ABCD3: variants seen among roughly 807,000 people sequenced by gnomAD.
The protein encoded by ABCD3 is ATP binding cassette subfamily D member 3.
ABCD3 carries 41 observed loss-of-function variants against 105.5 expected under a neutral mutation model. The ratio of observed to expected loss-of-function variants is 0.39; its 90% CI spans 0.30 to 0.50. The LOEUF (loss-of-function observed/expected upper bound fraction) is 0.50. Ranked by LOEUF, ABCD3 falls within the 20% of genes least tolerant of loss-of-function variation. The pLI is 0.84. For missense variants in ABCD3, 622 were observed against 806.3 expected (o/e 0.77, Z 2.77); for synonymous variants, 258 against 269.0 (o/e 0.96, Z 0.40).
intron 2 of ABCD3, among the ~76,000 whole-genome samples, chr1:94,463,329 C>G (rs1221174642): frequency 6.6e-6 from 1 of 152,182 alleles, no homozygotes; most frequent in Non-Finnish European, 1.5e-5. Context: ...CTGCACTGCA[C>G]TCAGTGCTTA....
intron 1 of ABCD3, among the ~76,000 whole-genome samples, chr1:94,451,388 A>G (rs1159604251): frequency 6.6e-6 from 1 of 152,202 alleles, no homozygotes; most frequent in Non-Finnish European, 1.5e-5. Context: ...TAATAAACAT[A>G]CTTTACTTTT....
At chr1:94,426,686 G>A (rs1210238710) in intron 1 of ABCD3, among the ~76,000 whole-genome samples, 1 of 151,818 alleles carries the variant, frequency 6.6e-6, no homozygotes, top group Non-Finnish European at 1.5e-5. Context: ...GGGATTACAG[G>A]CACCCGCCAC....
chr1:94,406,887 G>A, the ABCD3 span: 208 of 162,086 alleles, frequency 1.3e-3, no homozygotes, highest in African/African-American at 4.7e-3. Flanking sequence ...CATCATCTTG[G>A]CGAATGACTG....
rs1650965215 is a variant in ABCD3 at position 94,517,325 on chromosome 1, A to G, written c.*196A>G. ...TTATATAGGATATTGCTAATTGTGTATATGTTGGTTTAATTAATAATATGT... is the reference window on the plus strand; with the variant it reads ...TTATATAGGATATTGCTAATTGTGTGTATGTTGGTTTAATTAATAATATGT... On this transcript the variant is annotated 3_prime_UTR_variant, in exon 23 of 23. Transcript: ENST00000370214. The G allele has an allele frequency of 9.7e-6, 5 of 517,476 alleles. No homozygotes were observed. Among genetic ancestry groups the G allele is most frequent in the Middle Eastern group, 5.6e-4 (1 of 1,772 alleles). 32.1% of individuals were successfully genotyped at this position (517,476 alleles called of 1,614,324 possible).
rs567190248 is a variant in ABCD3, at chr1:94,502,972, A to C, written c.1740+3358A>C. ...CTTGTCCAACCTGTGGCTCACGGAC[A>C]CATGCAGCCCAGGACAGCTTTGAAT... On this transcript the variant is annotated intron_variant, in intron 20 of 22. Transcript: ENST00000370214. Among the ~76,000 whole-genome samples, 17 of 152,324 alleles carry C rather than the reference A, an allele frequency of 1.1e-4. No homozygotes were observed. In the East Asian group the frequency reaches 1.5e-3, roughly 14 times the overall value.
At chr1:94,467,268 G>A (rs968550256) in intron 3 of ABCD3, among the ~76,000 whole-genome samples, 1 of 151,360 alleles carries the variant, frequency 6.6e-6, no homozygotes, top group Non-Finnish European at 1.5e-5. Context: ...TTGTTTTACT[G>A]TTTATCATAT....
At chr1:94,443,445 G>A (rs1256872804) in intron 1 of ABCD3, among the ~76,000 whole-genome samples, 1 of 152,112 alleles carries the variant, frequency 6.6e-6, no homozygotes, top group Non-Finnish European at 1.5e-5. Flanking sequence ...CCTTTGTTGT[G>A]TAGAAGCTTT....
At chr1:94,470,928 T>G (rs1648425230) in intron 4 of ABCD3, among the ~76,000 whole-genome samples, 1 of 152,224 alleles carries the variant, frequency 6.6e-6, no homozygotes, top group South Asian at 2.1e-4. Context: ...TATTTAAGTT[T>G]TTAATGTGTT....
rs139039035 is a variant in ABCD3, at chr1:94,467,966, T to C, written c.294T>C (p.Tyr98=). The stretch of plus-strand genomic sequence containing the variant: ...CTGTTATGCTGGTGTCTCGAACATA[T>C]TGTGATGTTTGGATGATTCAAAATG... ...LIAVMLVSRT[Y]CDVWMIQNGT... The change falls in exon 4 of 23, where the codon TAT becomes TAC. Residue 98 remains tyrosine, a synonymous_variant. Coordinates refer to ENST00000370214, the MANE Select transcript of ABCD3 (RefSeq NM_002858.4). 3 of 1,613,444 alleles carry C rather than the reference T, an allele frequency of 1.9e-6. No individual in the cohort carries two copies. The highest frequency in any genetic ancestry group is 1.6e-4 in the Middle Eastern group (1 of 6,066).
chr1:94,422,413 A>C (rs1659294565), intron 1 of ABCD3, among the ~76,000 whole-genome samples: 1 of 152,202 alleles, frequency 6.6e-6, no homozygotes, highest in Non-Finnish European at 1.5e-5. Flanking sequence ...AAACAGTTTC[A>C]TCCTGAAACC....
intron 1 of ABCD3, among the ~76,000 whole-genome samples, chr1:94,422,869 G>A (rs1220059077): frequency 6.6e-6 from 1 of 152,214 alleles, no homozygotes; most frequent in African/African-American, 2.4e-5. Flanking sequence ...TATAGCCATA[G>A]TATTTTATTA....
upstream of ABCD3, among the ~76,000 whole-genome samples, chr1:94,418,262 C>T (rs1359064122): frequency 6.6e-6 from 1 of 152,190 alleles, no homozygotes; most frequent in Non-Finnish European, 1.5e-5. Flanking sequence ...GGAACTGTTC[C>T]GCCCACGGAG....
the ABCD3 span, among the ~76,000 whole-genome samples, chr1:94,409,469 A>G: frequency 6.6e-6 from 1 of 152,196 alleles, no homozygotes; most frequent in Non-Finnish European, 1.5e-5. Flanking sequence ...ATTTTATAAC[A>G]TAGGCAATTG....
chr1:94,514,541 G>A (rs1210646990), intron 21 of ABCD3: 3 of 148,990 alleles, frequency 2.0e-5, no homozygotes, highest in Non-Finnish European at 3.0e-5. Context: ...TCATAATTTT[G>A]TAGCAAGCTC....
At chr1:94,448,166 C>CT (rs574548230) in intron 1 of ABCD3, among the ~76,000 whole-genome samples, 78 of 152,304 alleles carry the variant, frequency 5.1e-4, no homozygotes, top group Non-Finnish European at 8.5e-4. Flanking sequence ...TTGACGGACT[C>CT]TAACTCCTTA....
At chr1:94,398,781 G>A in the ABCD3 span, among the ~76,000 whole-genome samples, 1 of 152,058 alleles carries the variant, frequency 6.6e-6, no homozygotes, top group South Asian at 2.1e-4. Flanking sequence ...GGACATAGTG[G>A]CGGGCACCTG....
chr1:94,427,736 A>G (rs1419594679), intron 1 of ABCD3, among the ~76,000 whole-genome samples: 1 of 152,200 alleles, frequency 6.6e-6, no homozygotes, highest in Non-Finnish European at 1.5e-5. Context: ...TGTTCTCCCA[A>G]AAGTATCAGG....
intron 7 of ABCD3, among the ~76,000 whole-genome samples, chr1:94,477,986 T>G (rs1393086158): frequency 6.6e-6 from 1 of 152,218 alleles, no homozygotes; most frequent in East Asian, 1.9e-4. Flanking sequence ...AGAGGTATCT[T>G]AGTTGATGGA....
intron 1 of ABCD3, among the ~76,000 whole-genome samples, chr1:94,451,881 G>A (rs1472916230): frequency 6.6e-6 from 1 of 152,140 alleles, no homozygotes; most frequent in Non-Finnish European, 1.5e-5. Flanking sequence ...TACTTCCTCT[G>A]TCTTAAGTTT....
Sources: gnomAD v4.1 joint callset for allele counts (sites outside exome capture counted in the v4.1 genomes callset) on GRCh38, gnomAD v4.1.1 for gene constraint, MANE v1.5 for transcripts, NCBI Gene and HGNC (gene_info 2026-07-23, HGNC 2026-07-21) for gene names.